Variants in PMEPA1 observed in about 807,000 individuals in gnomAD.
PMEPA1 encodes the protein protein TMEPAI.
PMEPA1 carries 11 observed loss-of-function variants against 23.0 expected under a neutral mutation model. The ratio of observed to expected loss-of-function variants is 0.48; its 90% CI spans 0.30 to 0.79. PMEPA1 has a LOEUF of 0.79. PMEPA1 is among the 30% of genes least tolerant of loss of function. The probability of loss-of-function intolerance (pLI) is 0.06; values close to 1 mark genes in which losing one functional copy is unlikely to be tolerated. For missense variants in PMEPA1, 377 were observed against 390.9 expected (o/e 0.96, Z 0.30); for synonymous variants, 204 against 166.4 (o/e 1.23, Z -1.74).
chr20:57,649,087 C>T lies in PMEPA1; in HGVS notation c.*2966G>A, dbSNP rs1340151807. On this transcript the variant is annotated 3_prime_UTR_variant, in exon 4 of 4. Coordinates refer to ENST00000341744, the MANE Select transcript of PMEPA1 (RefSeq NM_020182.5). ...TGATTGACAGGCAGGGAGACAGTGA[C>T]AAGGCTAGAGAAAGCCACGCTCGGC... 1 of 152,126 alleles carries T rather than the reference C, an allele frequency of 6.6e-6. No homozygotes were observed. Among genetic ancestry groups the T allele is most frequent in the Non-Finnish European group, 1.5e-5 (1 of 68,028 alleles). 9.4% of individuals were successfully genotyped at this position (152,126 alleles called of 1,614,324 possible). A position where few individuals can be genotyped will look rare whatever the true frequency, so the allele number is the denominator to read the frequency against.
At chr20:57,700,061 G>A (rs1307388503) in intron 1 of PMEPA1, 1 of 471,044 alleles carries the variant, frequency 2.1e-6, no homozygotes, top group East Asian at 6.9e-5. Flanking sequence ...TTCATGGCTG[G>A]ATTTGTCACT....
Position 57,655,569 on chromosome 20 carries a change from C to T in PMEPA1, c.265-2483G>A, listed in dbSNP as rs1168939307. Among the ~76,000 whole-genome samples, 3 of 152,302 alleles carry T rather than the reference C, an allele frequency of 2.0e-5. No individual in the cohort carries two copies. In the South Asian group the frequency reaches 6.2e-4, roughly 32 times the overall value. On this transcript the variant is annotated intron_variant, in intron 2 of 3. Coordinates refer to ENST00000341744, the MANE Select transcript of PMEPA1 (RefSeq NM_020182.5). This position sits in a 1 kb window ranked among gnomAD's most constrained non-coding sequence, Gnocchi z 4.2. ...GGCTTGAGAAGTCGGGGGAGGTGGG[C>T]CCAGCTTCAGAATTGTCTGGAACCT...
chr20:57,692,473 C>T (rs1169524285), intron 1 of PMEPA1, among the ~76,000 whole-genome samples: 1 of 152,232 alleles, frequency 6.6e-6, no homozygotes, highest in Non-Finnish European at 1.5e-5. Flanking sequence ...ACCAGGATGC[C>T]CAGTACTCCT....
At chr20:57,679,332 C>A (rs548366302) in intron 1 of PMEPA1, among the ~76,000 whole-genome samples, 1 of 152,324 alleles carries the variant, frequency 6.6e-6, no homozygotes, top group African/African-American at 2.4e-5. Flanking sequence ...GAGGAGCTAG[C>A]TGCTTTGGGG....
chr20:57,670,540 T>G (rs1402298250), intron 1 of PMEPA1, among the ~76,000 whole-genome samples: 1 of 152,070 alleles, frequency 6.6e-6, no homozygotes, highest in Non-Finnish European at 1.5e-5. Flanking sequence ...GCCTCCACCC[T>G]CAGGTCGCAT....
rs1255086604 is a variant in PMEPA1, at chr20:57,652,024, G to A, written c.*29C>T. The A allele has an allele frequency of 8.3e-6, 12 of 1,448,496 alleles. No individual in the cohort carries two copies. Among genetic ancestry groups the A allele is most frequent in the African/African-American group, 2.9e-5 (2 of 69,658 alleles). The allele number at this position is 1,448,496 out of a possible 1,614,324, so 89.7% of individuals were successfully genotyped here. A position where few individuals can be genotyped will look rare whatever the true frequency, so the allele number is the denominator to read the frequency against. On this transcript the variant is annotated 3_prime_UTR_variant, in exon 4 of 4. Transcript: ENST00000341744. The surrounding 1 kb of genome is among the most constrained non-coding windows in gnomAD (Gnocchi z 6.1). ...CGGAGTGTTCTGCCTTTTCACCTAC[G>A]CAGCCCCAGCCCGGCCCCCCTGGGG...
At chr20:57,684,653 C>A (rs905695666) in intron 1 of PMEPA1, among the ~76,000 whole-genome samples, 4 of 152,232 alleles carry the variant, frequency 2.6e-5, no homozygotes, top group African/African-American at 9.7e-5. Flanking sequence ...ATGACCTAGT[C>A]GCTATGGCAA....
At chr20:57,680,810 C>T (rs992420858) in intron 1 of PMEPA1, among the ~76,000 whole-genome samples, 7 of 152,194 alleles carry the variant, frequency 4.6e-5, no homozygotes, top group African/African-American at 1.4e-4. Context: ...CCTTGATCAC[C>T]GATCAACGCA....
chr20:57,701,064 CAA>C (rs373131498), intron 1 of PMEPA1, among the ~76,000 whole-genome samples: 2 of 144,474 alleles, frequency 1.4e-5, no homozygotes, highest in Admixed American at 6.9e-5. Context: ...AAGAAGACAT[CAA>C]AAAAAAAAAG....
Position 57,652,606 on chromosome 20 carries a change from A to G in PMEPA1, c.319-8T>C. On this transcript the variant is annotated splice_polypyrimidine_tract_variant and splice_region_variant and intron_variant, in intron 3 of 3. Transcript: ENST00000341744. The surrounding 1 kb of genome is among the most constrained non-coding windows in gnomAD (Gnocchi z 6.1). Reference sequence around the variant, plus strand: ...CGGGGCGTAGACCTGCGGCTGGAGGAAGCAGAGCGGGAGTGAGGGAGGGCG... The same window carrying G: ...CGGGGCGTAGACCTGCGGCTGGAGGGAGCAGAGCGGGAGTGAGGGAGGGCG... 1 of 1,464,722 alleles carries G rather than the reference A, an allele frequency of 6.8e-7. No individual in the cohort carries two copies. Among genetic ancestry groups the G allele is most frequent in the Non-Finnish European group, 9.0e-7 (1 of 1,110,044 alleles). 90.7% of individuals were successfully genotyped at this position (1,464,722 alleles called of 1,614,324 possible).
At chr20:57,666,893 T>C (rs2071500519) in intron 1 of PMEPA1, among the ~76,000 whole-genome samples, 1 of 152,208 alleles carries the variant, frequency 6.6e-6, no homozygotes, top group Non-Finnish European at 1.5e-5. Flanking sequence ...AGGGGCAGCA[T>C]TGCCCCAATC....
In PMEPA1 at chr20:57,679,051, G is replaced by A. The variant is rs1043013303; in HGVS notation, c.110-19354C>T. On this transcript the variant is annotated intron_variant, in intron 1 of 3. Coordinates refer to ENST00000341744, the MANE Select transcript of PMEPA1 (RefSeq NM_020182.5). ...ACAACACGAGTGTTTTTGAAGAAGA[G>A]TCCTCCTCTGTCTTCTCCAGAACAT... Among the ~76,000 whole-genome samples, 10 of 152,342 alleles carry A rather than the reference G, an allele frequency of 6.6e-5. No homozygotes were observed. The Middle Eastern group carries it at 0.01, about 155-fold the overall frequency.
At position 57,674,268 on chromosome 20, in the gene PMEPA1, C is replaced by A. The variant is rs111963641; in HGVS notation, c.110-14571G>T. Reference sequence around the variant, plus strand: ...ACAGCATAGAGCTCATTCTCTCCCCCCTCCTTCCATGTGCTGGCACCAAGG... The same window carrying A: ...ACAGCATAGAGCTCATTCTCTCCCCACTCCTTCCATGTGCTGGCACCAAGG... On this transcript the variant is annotated intron_variant, in intron 1 of 3. Transcript: ENST00000341744. Among the ~76,000 whole-genome samples the A allele has an allele frequency of 5.8e-4, 88 of 152,316 alleles. 1 individual carries two copies. Among genetic ancestry groups the A allele is most frequent in the African/African-American group, 1.8e-3 (75 of 41,558 alleles).
At chr20:57,668,077 G>C (rs1353956092) in intron 1 of PMEPA1, among the ~76,000 whole-genome samples, 1 of 152,196 alleles carries the variant, frequency 6.6e-6, no homozygotes, top group African/African-American at 2.4e-5. Context: ...AGACTGTACT[G>C]CTTTCAGAGT....
Position 57,653,054 on chromosome 20 carries a change from C to A in PMEPA1, c.297G>T (p.Val99=), listed in dbSNP as rs943150036. ...EGCLWPSEST[V]SGNGIPEPQV... is the part of the protein sequence containing the mutation. ...TCACCTCTGGGATTCCGTTGCCTGACACTGTGCTCTCCGAGGGCCACAGGC... is the reference window on the plus strand; with the variant it reads ...TCACCTCTGGGATTCCGTTGCCTGAAACTGTGCTCTCCGAGGGCCACAGGC... The change falls in exon 3 of 4, where the codon GTG becomes GTT. Residue 99 remains valine (V), a synonymous_variant. Coordinates refer to ENST00000341744, the MANE Select transcript of PMEPA1 (RefSeq NM_020182.5). 2 of 1,595,726 alleles carry A rather than the reference C, an allele frequency of 1.3e-6. No individual in the cohort carries two copies. The highest frequency in any genetic ancestry group is 2.7e-5 in the African/African-American group (2 of 74,650).
At chr20:57,679,308 C>T (rs937105584) in intron 1 of PMEPA1, among the ~76,000 whole-genome samples, 3 of 152,318 alleles carry the variant, frequency 2.0e-5, no homozygotes, top group Non-Finnish European at 4.4e-5. Flanking sequence ...TGGGGCATAG[C>T]ATGAAGATAC....
intron 1 of PMEPA1, among the ~76,000 whole-genome samples, chr20:57,676,287 G>C (rs995396838): frequency 1.3e-5 from 2 of 152,196 alleles, no homozygotes; most frequent in African/African-American, 4.8e-5. Context: ...AACAGTACCT[G>C]CCTCACAGGA....
At chr20:57,658,821 G>A (rs990170416) in intron 2 of PMEPA1, among the ~76,000 whole-genome samples, 3 of 152,168 alleles carry the variant, frequency 2.0e-5, no homozygotes, top group Admixed American at 2.0e-4. Context: ...GGGCAGGGCC[G>A]CCACCTCCCT....
chr20:57,696,116 G>C (rs182745813), intron 1 of PMEPA1, among the ~76,000 whole-genome samples: 7 of 152,214 alleles, frequency 4.6e-5, no homozygotes, highest in Non-Finnish European at 7.4e-5. Flanking sequence ...TGAGCCCCAG[G>C]GATCGCTGCT....
Sources: gnomAD v4.1 joint callset for allele counts (sites outside exome capture counted in the v4.1 genomes callset) on GRCh38, gnomAD v4.1.1 for gene constraint, Gnocchi (gnomAD v3.1) non-coding constraint, MANE v1.5 for transcripts, NCBI Gene and HGNC (gene_info 2026-07-23, HGNC 2026-07-21) for gene names.